TREM1: variants seen among roughly 807,000 people sequenced by gnomAD.
TREM1 encodes triggering receptor expressed on monocytes 1.
A neutral mutation model predicts 22.4 loss-of-function variants in TREM1; 16 were observed. The ratio of observed to expected loss-of-function variants is 0.71; its 90% CI spans 0.48 to 1.08. The LOEUF is 1.08. Among genes scored for constraint, TREM1 ranks in the 50% least tolerant of loss-of-function variants. The pLI, the probability that TREM1 is intolerant of heterozygous loss-of-function variation, is 0.00. For missense variants in TREM1, 283 were observed against 282.9 expected, an observed-to-expected ratio of 1.00 and a Z score of 0.00; for synonymous variants, 110 against 111.6, an observed-to-expected ratio of 0.99 and a Z score of 0.09.
In TREM1 at chr6:41,274,258, A is replaced by G. The variant is rs1767578559; in HGVS notation, c.*1867T>C. Among the ~76,000 whole-genome samples, 1 of 152,144 alleles carries G rather than the reference A, an allele frequency of 6.6e-6. No individual in the cohort carries two copies. The highest frequency in any genetic ancestry group is 2.4e-5 in the African/African-American group (1 of 41,436). On this transcript the variant is annotated 3_prime_UTR_variant, in exon 4 of 4. Transcript: ENST00000244709. Reference sequence around the variant, plus strand: ...GAGATCCACTAAGAGGGAGCTGTATACTAGTATACAGTAGGTCTGCAGGGG... The same window carrying G: ...GAGATCCACTAAGAGGGAGCTGTATGCTAGTATACAGTAGGTCTGCAGGGG...
chr6:41,281,216 G>C lies in TREM1; in HGVS notation c.407-63C>G, dbSNP rs1581632533. The C allele has an allele frequency of 1.0e-5, 16 of 1,550,198 alleles. No individual in the cohort carries two copies. The East Asian group carries it at 3.6e-4, about 35-fold the overall frequency. Reference sequence around the variant, plus strand: ...GGATGATGAATGGGTGGATGGGTGGGTGAATGGATGTATGGATGTATGGAT... The same window carrying C: ...GGATGATGAATGGGTGGATGGGTGGCTGAATGGATGTATGGATGTATGGAT... On this transcript the variant is annotated intron_variant, in intron 2 of 3. Transcript: ENST00000244709.
In TREM1 at chr6:41,275,919, T is replaced by A. The variant is rs1050402051; in HGVS notation, c.*206A>T. 2 of 582,852 alleles carry A rather than the reference T, an allele frequency of 3.4e-6. No homozygotes were observed. The highest frequency in any genetic ancestry group is 6.0e-5 in the Admixed American group (2 of 33,126). 36.1% of individuals were successfully genotyped at this position (582,852 alleles called of 1,614,324 possible). ...GCATGTTTGGGGCTGTAACTTCTTT[T>A]CTGAGGCACAAATGCCCACCCAAGA... On this transcript the variant is annotated 3_prime_UTR_variant, in exon 4 of 4. Coordinates refer to ENST00000244709, the MANE Select transcript of TREM1 (RefSeq NM_018643.5).
At chr6:41,276,388 T>C (rs1767672781) in intron 3 of TREM1, among the ~76,000 whole-genome samples, 158 bp from the exon 4 acceptor site, 2 of 152,288 alleles carry the variant, frequency 1.3e-5, no homozygotes, top group Non-Finnish European at 2.9e-5. Flanking sequence ...GTCTGTCTCA[T>C]TGCCAAAAAC....
chr6:41,273,120 G>A (rs1234768491), downstream of TREM1, among the ~76,000 whole-genome samples: 1 of 152,200 alleles, frequency 6.6e-6, no homozygotes, highest in Non-Finnish European at 1.5e-5. Flanking sequence ...CTCAAATGCA[G>A]GGCCAGTTGC....
At position 41,281,037 on chromosome 6, in the gene TREM1, C is replaced by T; in HGVS notation, c.523G>A (p.Ala175Thr). 1 of 1,614,172 alleles carries T rather than the reference C, an allele frequency of 6.2e-7. No individual in the cohort carries two copies. The highest frequency in any genetic ancestry group is 1.1e-5 in the South Asian group (1 of 91,080). The change falls in exon 3 of 4, where the codon GCT becomes ACT. Residue 175 changes from alanine (A) to threonine (T), a missense_variant. By Grantham distance (58) the Ala-to-Thr change is moderately conservative (BLOSUM62 0). Coordinates refer to ENST00000244709, the MANE Select transcript of TREM1 (RefSeq NM_018643.5). ...ACATCGGCAGTTGACTTGGGTGGAGCTTGGGTCACAGTTCTGGGGCTGGTA... is the reference window on the plus strand; with the variant it reads ...ACATCGGCAGTTGACTTGGGTGGAGTTTGGGTCACAGTTCTGGGGCTGGTA... ...LYTSPRTVTQ[A>T]PPKSTADVST...
downstream of TREM1, among the ~76,000 whole-genome samples, chr6:41,271,699 C>A (rs1767482894): frequency 6.6e-6 from 1 of 152,190 alleles, no homozygotes; most frequent in African/African-American, 2.4e-5. Flanking sequence ...AGAGGGACCT[C>A]CAGCTTCTGT....
chr6:41,269,263 G>T (rs1032486295), downstream of TREM1, among the ~76,000 whole-genome samples: 4 of 152,142 alleles, frequency 2.6e-5, no homozygotes, highest in African/African-American at 9.7e-5. Flanking sequence ...TTCCACCAAT[G>T]AGAAGCAACC....
downstream of TREM1, chr6:41,270,385 T>C (rs1351781453): frequency 6.8e-6 from 1 of 146,350 alleles, no homozygotes; most frequent in African/African-American, 2.5e-5. Context: ...TTTCTGTGAT[T>C]ATTTTTAAAT....
At chr6:41,276,333 A>T in intron 3 of TREM1, 103 bp from the exon 4 acceptor site, 1 of 815,362 alleles carries the variant, frequency 1.2e-6, no homozygotes, top group East Asian at 2.6e-5. Flanking sequence ...CTCTGCTTAG[A>T]TCCTTGCTCC....
In TREM1 at chr6:41,275,985, C is replaced by G. The variant is rs1767649075; in HGVS notation, c.*140G>C. On this transcript the variant is annotated 3_prime_UTR_variant, in exon 4 of 4. Transcript: ENST00000244709. ...GGGCAGTGGGCAGGAAGGTGAGACG[C>G]TGACTTTAGAAATAGCCGGTGATTA... The G allele has an allele frequency of 1.5e-6, 1 of 663,494 alleles. No individual in the cohort carries two copies. The highest frequency in any genetic ancestry group is 1.8e-5 in the South Asian group (1 of 54,884). The allele number at this position is 663,494 out of a possible 1,614,324, so 41.1% of individuals were successfully genotyped here.
At chr6:41,284,404 A>G (rs944235246) in intron 1 of TREM1, among the ~76,000 whole-genome samples, 3 of 152,100 alleles carry the variant, frequency 2.0e-5, no homozygotes, top group African/African-American at 7.2e-5. Flanking sequence ...AACTGGGTTA[A>G]CCATCTAGAA....
intron 2 of TREM1, chr6:41,281,865 G>C (rs1285072532): frequency 6.1e-6 from 1 of 162,836 alleles, no homozygotes; most frequent in Admixed American, 5.6e-5. Context: ...GTAGAGTTGT[G>C]TACAAGGGGA....
chr6:41,271,211 C>T (rs1187251682), downstream of TREM1, among the ~76,000 whole-genome samples: 1 of 152,172 alleles, frequency 6.6e-6, no homozygotes, highest in Non-Finnish European at 1.5e-5. Context: ...ATCATCATCT[C>T]CCATCATAAC....
At chr6:41,283,916 G>A (rs1209230515) in intron 1 of TREM1, among the ~76,000 whole-genome samples, 1 of 152,076 alleles carries the variant, frequency 6.6e-6, no homozygotes, top group African/African-American at 2.4e-5. Context: ...TTTCTACCAC[G>A]TAGGAATAGG....
rs1768184041 is a variant in TREM1 at position 41,286,625 on chromosome 6, A to G, written c.31T>C (p.Trp11Arg). 6.2e-7 allele frequency: 1 copy of G among 1,613,636 alleles called. No individual in the cohort carries two copies. Among genetic ancestry groups the G allele is most frequent in the African/African-American group, 1.3e-5 (1 of 74,798 alleles). Residue 11 changes from tryptophan (W) to arginine (R), a missense_variant, in exon 1 of 4, where the codon TGG becomes CGG. Physicochemically the swap from Trp to Arg is moderately radical, Grantham distance 101 (BLOSUM62 -3). Coordinates refer to ENST00000244709, the MANE Select transcript of TREM1 (RefSeq NM_018643.5). Reference protein sequence around the residue: MRKTRLWGLLWMLFVSELRAA... With the variant: MRKTRLWGLLRMLFVSELRAA... ...GTCTTACCTGAGACAAAGAGCATCC[A>G]CAGCAGCCCCCAGAGCCTGGTCTTC...
chr6:41,278,827 G>C (rs547979762), intron 3 of TREM1, among the ~76,000 whole-genome samples: 1 of 152,216 alleles, frequency 6.6e-6, no homozygotes, highest in African/African-American at 2.4e-5. Flanking sequence ...GGAGAATAGG[G>C]TCTGGAGGCA....
At chr6:41,277,302 C>T (rs1458768067) in intron 3 of TREM1, among the ~76,000 whole-genome samples, 6 of 151,704 alleles carry the variant, frequency 4.0e-5, no homozygotes, top group South Asian at 2.1e-4. Flanking sequence ...CAGGGGACTA[C>T]ATTCCCAAGC....
rs745910303 is a variant in TREM1 at position 41,282,686 on chromosome 6, C to T, written c.115G>A (p.Val39Met). ...TTCTCTAGCGTGTAGTCACATTTCA[C>T]ATCCAGGGTCTGCCCCTCTTTCAGT... Reference protein sequence around the residue: ...YELKEGQTLDVKCDYTLEKFA... With the variant: ...YELKEGQTLDMKCDYTLEKFA... The change falls in exon 2 of 4, where the codon GTG (valine) becomes ATG (methionine). Residue 39 changes from valine to methionine, a missense_variant. Physicochemically the swap from Val to Met is conservative, Grantham distance 21. Coordinates refer to ENST00000244709, the MANE Select transcript of TREM1 (RefSeq NM_018643.5). The T allele has an allele frequency of 1.9e-6, 3 of 1,614,192 alleles. No homozygotes were observed. Among genetic ancestry groups the T allele is most frequent in the East Asian group, 2.2e-5 (1 of 44,878 alleles).
At position 41,281,128 on chromosome 6, in the gene TREM1, A is replaced by G. The variant is rs1303148813; in HGVS notation, c.432T>C (p.Asn144=). The change falls in exon 3 of 4, where the codon AAT becomes AAC. Residue 144 remains asparagine (N), a synonymous_variant. Coordinates refer to ENST00000244709, the MANE Select transcript of TREM1 (RefSeq NM_018643.5). ...TATACACATTCTGGGTAGAATTCTC[A>G]TTGGAGCCAGGGGTCCCTGAAAAAC... ...TKGFSGTPGS[N]ENSTQNVYKI... is the part of the protein sequence containing the mutation. 1 of 1,613,938 alleles carries G rather than the reference A, an allele frequency of 6.2e-7. No individual in the cohort carries two copies. Among genetic ancestry groups the G allele is most frequent in the Non-Finnish European group, 8.5e-7 (1 of 1,179,916 alleles).
Sources: gnomAD v4.1 joint callset for allele counts (sites outside exome capture counted in the v4.1 genomes callset) on GRCh38, gnomAD v4.1.1 for gene constraint, MANE v1.5 for transcripts, NCBI Gene and HGNC (gene_info 2026-07-23, HGNC 2026-07-21) for gene names.